LMO7: variants seen among roughly 807,000 people sequenced by gnomAD.
LMO7 encodes LIM domain 7.
A neutral mutation model predicts 206.5 loss-of-function variants in LMO7; 120 were observed. That is an observed-to-expected ratio of 0.58 (90% CI 0.50 to 0.68). The LOEUF is 0.68. LMO7 is among the 30% of genes least tolerant of loss of function. The pLI, the probability that LMO7 is intolerant of heterozygous loss-of-function variation, is 0.00. For synonymous variants in LMO7, 706 were observed against 681.5 expected (o/e 1.04, Z -0.56); for missense variants, 1,959 against 1,957.9 (o/e 1.00, Z -0.01).
At chr13:75,726,415 C>A (rs2044477856) in intron 2 of LMO7, among the ~76,000 whole-genome samples, 1 of 151,836 alleles carries the variant, frequency 6.6e-6, no homozygotes, top group African/African-American at 2.4e-5. Context: ...ATCTAAAATA[C>A]TAGATTCTGA....
intron 27 of LMO7, among the ~76,000 whole-genome samples, chr13:75,851,017 G>A (rs9593134): frequency 0.25 from 38,678 of 152,008 alleles, 6,115 homozygotes; most frequent in African/African-American, 0.46. Flanking sequence ...TGGGACCTGG[G>A]TTCAAAGAGG....
Position 75,709,144 on chromosome 13 carries a change from A to T in LMO7, c.70-4038A>T, listed in dbSNP as rs376962980. 7.2e-5 allele frequency among the ~76,000 whole-genome samples: 11 copies of T among 152,238 alleles called. No individual in the cohort carries two copies. The East Asian group carries it at 9.6e-4, about 13-fold the overall frequency. ...ACATGAACTCATCATTTTTTATGGCAGCATAGTATTCCATGGTGTATATGT... is the reference window on the plus strand; with the variant it reads ...ACATGAACTCATCATTTTTTATGGCTGCATAGTATTCCATGGTGTATATGT... On this transcript the variant is annotated intron_variant, in intron 1 of 30. Coordinates refer to ENST00000377534, the MANE Select transcript of LMO7 (RefSeq NM_001306080.2).
intron 15 of LMO7, among the ~76,000 whole-genome samples, chr13:75,827,912 A>T (rs1022311790): frequency 2.0e-5 from 3 of 152,164 alleles, no homozygotes; most frequent in Non-Finnish European, 4.4e-5. Flanking sequence ...GGGATATAGT[A>T]GTCAGAGCTT....
At chr13:75,655,761 T>C (rs1443717584) in intron 1 of LMO7, among the ~76,000 whole-genome samples, 1 of 151,238 alleles carries the variant, frequency 6.6e-6, no homozygotes, top group African/African-American at 2.4e-5. Flanking sequence ...CTTCAAGTTG[T>C]CACCTGTGTC....
At chr13:75,729,701 C>G (rs9565194) in intron 3 of LMO7, among the ~76,000 whole-genome samples, 74,639 of 148,788 alleles carry the variant, frequency 0.5, 20,229 homozygotes, top group African/African-American at 0.7. Flanking sequence ...TCCCTGTCTT[C>G]TGCCAGTTTT....
chr13:75,844,398 T>C (rs2059806546), intron 25 of LMO7, among the ~76,000 whole-genome samples: 1 of 150,872 alleles, frequency 6.6e-6, no homozygotes, highest in Non-Finnish European at 1.5e-5. Flanking sequence ...ATTATTTTCT[T>C]TTTCTTTTGT....
intron 3 of LMO7, among the ~76,000 whole-genome samples, chr13:75,728,055 T>C (rs1198431047): frequency 3.9e-5 from 6 of 152,034 alleles, no homozygotes; most frequent in Non-Finnish European, 8.8e-5. Flanking sequence ...TTCCAAGTCT[T>C]TGCTGTTGTG....
intron 4 of LMO7, among the ~76,000 whole-genome samples, chr13:75,770,403 G>A (rs1244432917): frequency 6.6e-6 from 1 of 151,966 alleles, no homozygotes; most frequent in Non-Finnish European, 1.5e-5. Context: ...CTCAGTTGTG[G>A]ACCTTTTGTC....
rs558888296 is a variant in LMO7, at chr13:75,779,484, TAACTG to T, written c.318-15914_318-15910del. On this transcript the variant is annotated intron_variant, in intron 4 of 30. Transcript: ENST00000377534. Reference sequence around the variant, plus strand: ...TTGAATGTATATTGAACTTGAAAGTTAACTGAATGTCAGGATTATATTAACCTGAA... The same window carrying T: ...TTGAATGTATATTGAACTTGAAAGTTAATGTCAGGATTATATTAACCTGAA... 1.1e-3 allele frequency among the ~76,000 whole-genome samples: 169 copies of T among 152,330 alleles called. 1 individual carries two copies. The highest frequency in any genetic ancestry group is 4.0e-3 in the African/African-American group (165 of 41,578).
intron 1 of LMO7, among the ~76,000 whole-genome samples, chr13:75,687,552 CAG>C (rs934702586): frequency 2.6e-4 from 39 of 151,748 alleles, no homozygotes; most frequent in African/African-American, 9.2e-4. Context: ...TTTTTCCAAG[CAG>C]AGTTACTCTA....
chr13:75,713,289 C>T (rs2138117164), intron 2 of LMO7, 37 bp downstream of exon 2: 1 of 1,476,246 alleles, frequency 6.8e-7, no homozygotes. Context: ...AATTCAAAAG[C>T]AAAGATATGT....
At chr13:75,731,380 G>T (rs1315597665) in intron 3 of LMO7, among the ~76,000 whole-genome samples, 1 of 152,148 alleles carries the variant, frequency 6.6e-6, no homozygotes, top group Non-Finnish European at 1.5e-5. Context: ...TTACCATTAT[G>T]TAATGGCCTT....
intron 4 of LMO7, among the ~76,000 whole-genome samples, chr13:75,777,160 A>C (rs1374130850): frequency 1.4e-5 from 2 of 145,292 alleles, no homozygotes; most frequent in African/African-American, 2.9e-5. Context: ...ACACTGTTTT[A>C]TTTCTTTTTT....
At chr13:75,720,965 G>A (rs2043974051) in intron 2 of LMO7, among the ~76,000 whole-genome samples, 1 of 151,974 alleles carries the variant, frequency 6.6e-6, no homozygotes, top group Admixed American at 6.6e-5. Flanking sequence ...TTTTACTCAT[G>A]GACATGTGAT....
intron 4 of LMO7, among the ~76,000 whole-genome samples, chr13:75,777,152 A>G (rs990118521): frequency 2.3e-4 from 35 of 151,798 alleles, no homozygotes; most frequent in Non-Finnish European, 2.8e-4. Flanking sequence ...GAATGAGGAC[A>G]CTGTTTTATT....
At chr13:75,627,380 T>TTTTTAACAATATTTATTTTAACAATA (rs2034337127) in intron 2 of LMO7, 1 of 152,220 alleles carries the variant, frequency 6.6e-6, no homozygotes, top group South Asian at 2.1e-4. Context: ...GTTTGGTAGG[T>TTTTTAACAATATTTATTTTAACAATA]TAAATACTTA....
At chr13:75,665,683 T>C (rs373981217) in intron 1 of LMO7, among the ~76,000 whole-genome samples, 2 of 152,248 alleles carry the variant, frequency 1.3e-5, no homozygotes, top group Middle Eastern at 3.4e-3. Flanking sequence ...TCTGCCACCA[T>C]GCCCGGCTAA....
At chr13:75,834,645 A>G (rs914844884) in intron 17 of LMO7, among the ~76,000 whole-genome samples, 5 of 152,204 alleles carry the variant, frequency 3.3e-5, no homozygotes, top group African/African-American at 1.2e-4. Context: ...GCAAATACCA[A>G]CTGAAGACAA....
Position 75,835,279 on chromosome 13 carries a change from C to T in LMO7, c.3273C>T (p.Asn1091=). 2 of 1,610,882 alleles carry T rather than the reference C, an allele frequency of 1.2e-6. No individual in the cohort carries two copies. Among genetic ancestry groups the T allele is most frequent in the Non-Finnish European group, 1.7e-6 (2 of 1,178,478 alleles). ...TTGATGCAACTTCTGGAATTTACAA[C>T]TCAGAAAAATCTTCAAATCTATCTG... ...KWIDATSGIY[N]SEKSSNLSVT... Residue 1091 remains asparagine, a synonymous_variant, in exon 18 of 31, where the codon AAC becomes AAT. Transcript: ENST00000377534.
Sources: allele counts gnomAD v4.1 joint callset (sites outside exome capture counted in the v4.1 genomes callset), GRCh38; gene constraint gnomAD v4.1.1; transcripts MANE v1.5; gene names NCBI Gene and HGNC (gene_info 2026-07-23, HGNC 2026-07-21).